TTC6: variants seen among roughly 807,000 people sequenced by gnomAD.
The protein encoded by TTC6 is tetratricopeptide repeat domain 6.
A neutral mutation model predicts 210.4 loss-of-function variants in TTC6; 172 were observed. That is an observed-to-expected ratio of 0.82 (90% CI 0.72 to 0.93). TTC6 has a LOEUF of 0.93. TTC6 is among the 40% of genes least tolerant of loss of function. TTC6 has a pLI of 0.00. For synonymous variants in TTC6, 804 were observed against 819.6 expected (o/e 0.98, Z 0.32); for missense variants, 2,414 against 2,318.1 (o/e 1.04, Z -0.85).
chr14:37,670,329 A>G (rs747379759), intron 1 of TTC6, among the ~76,000 whole-genome samples: 49 of 152,204 alleles, frequency 3.2e-4, no homozygotes, highest in Non-Finnish European at 1.0e-4. Flanking sequence ...CTGACAATAT[A>G]GTGAAATGTT....
At chr14:37,841,655 G>A (rs868102939) in exon 30 of TTC6, 1 of 1,602,524 alleles carries the variant, frequency 6.2e-7, no homozygotes, top group Non-Finnish European at 8.5e-7. Flanking sequence ...ACTAGCTGAG[G>A]AAGACCTTAA....
intron 17 of TTC6, 145 bp downstream of exon 19, chr14:37,792,559 ACT>A: frequency 3.6e-6 from 2 of 556,182 alleles, no homozygotes; most frequent in Non-Finnish European, 5.5e-6. Context: ...CTGGTAGTTA[ACT>A]CTAATTACTC....
intron 14 of TTC6, among the ~76,000 whole-genome samples, chr14:37,753,753 T>G (rs1235382501): frequency 1.3e-5 from 2 of 151,870 alleles, no homozygotes; most frequent in Non-Finnish European, 2.9e-5. Flanking sequence ...ATTTTTTTTT[T>G]TTTTTTTGTG....
intron 20 of TTC6, chr14:37,802,400 T>A (rs1042009343): frequency 4.3e-4 from 64 of 147,628 alleles, no homozygotes; most frequent in African/African-American, 1.2e-3. Context: ...TAAAATAAAA[T>A]AAAAAAAAAA....
Position 37,600,368 on chromosome 14 carries a change from A to G in TTC6, c.-235+4360A>G, listed in dbSNP as rs1161642505. Reference sequence around the variant, plus strand: ...CAGTGATGGAAGCCGAGGGGCTTGGAAAAGTCAACTATTTCATCTCCTGCC... The same window carrying G: ...CAGTGATGGAAGCCGAGGGGCTTGGGAAAGTCAACTATTTCATCTCCTGCC... On this transcript the variant is annotated intron_variant, in intron 1 of 2. Transcript: ENST00000556845. Among the ~76,000 whole-genome samples, 3 of 152,136 alleles carry G rather than the reference A, an allele frequency of 2.0e-5. No individual in the cohort carries two copies. The East Asian group carries it at 5.8e-4, about 29-fold the overall frequency.
intron 1 of TTC6, among the ~76,000 whole-genome samples, chr14:37,656,783 C>T (rs1341043470): frequency 6.6e-6 from 1 of 152,038 alleles, no homozygotes; most frequent in East Asian, 1.9e-4. Flanking sequence ...TCAGCTGGCT[C>T]CTTGGAATTC....
intron 26 of TTC6, among the ~76,000 whole-genome samples, chr14:37,817,856 T>C (rs962287956): frequency 5.3e-5 from 8 of 152,156 alleles, no homozygotes; most frequent in African/African-American, 1.7e-4. Flanking sequence ...CCTTCTGCCT[T>C]CTAATAGACT....
intron 23 of TTC6, among the ~76,000 whole-genome samples, chr14:37,807,873 G>A (rs913188519): frequency 6.6e-6 from 1 of 151,978 alleles, no homozygotes; most frequent in Non-Finnish European, 1.5e-5. Context: ...TATATAACTT[G>A]TGTGGTGCCC....
At chr14:37,706,141 G>A (rs1315633395) in intron 5 of TTC6, among the ~76,000 whole-genome samples, 1 of 152,146 alleles carries the variant, frequency 6.6e-6, no homozygotes, top group African/African-American at 2.4e-5. Flanking sequence ...GAGTGCTTGG[G>A]GGAGGGATTC....
intron 1 of TTC6, among the ~76,000 whole-genome samples, chr14:37,604,182 C>T (rs2139224936): frequency 6.6e-6 from 1 of 152,300 alleles, no homozygotes; most frequent in East Asian, 1.9e-4. Context: ...CCCATGGGAA[C>T]TGGGCTGCCG....
At chr14:37,755,037 G>A (rs1008445200) in intron 14 of TTC6, among the ~76,000 whole-genome samples, 11 of 152,102 alleles carry the variant, frequency 7.2e-5, no homozygotes, top group Non-Finnish European at 1.0e-4. Context: ...GTGTAAAAGC[G>A]TTCCTACTTC....
chr14:37,748,966 A>G, exon 11 of TTC6: 1 of 1,523,636 alleles, frequency 6.6e-7, no homozygotes, highest in East Asian at 2.5e-5. Flanking sequence ...TACTTCCGGG[A>G]CAGAAGAAAT....
At chr14:37,654,695 G>C (rs2095718811) in intron 1 of TTC6, among the ~76,000 whole-genome samples, 1 of 152,038 alleles carries the variant, frequency 6.6e-6, no homozygotes. Flanking sequence ...GAAAATAGAA[G>C]AACTGACAGA....
chr14:37,686,114 A>T (rs1476179002), intron 3 of TTC6, among the ~76,000 whole-genome samples: 8 of 152,080 alleles, frequency 5.3e-5, no homozygotes, highest in Admixed American at 4.6e-4. Flanking sequence ...CAGGCTCTGC[A>T]ACTAGATGTC....
At chr14:37,641,140 C>G (rs933010591) in intron 1 of TTC6, among the ~76,000 whole-genome samples, 3 of 152,180 alleles carry the variant, frequency 2.0e-5, no homozygotes, top group African/African-American at 7.2e-5. Flanking sequence ...GTTATCTTGA[C>G]AGCAAATTGA....
chr14:37,777,261 A>C (rs1001360248), intron 14 of TTC6, among the ~76,000 whole-genome samples: 1 of 152,154 alleles, frequency 6.6e-6, no homozygotes, highest in African/African-American at 2.4e-5. Flanking sequence ...GTTTATGTAC[A>C]TAATCCCATA....
intron 14 of TTC6, among the ~76,000 whole-genome samples, chr14:37,769,450 T>TAAGCTATTG (rs1176733766): frequency 6.6e-6 from 1 of 152,136 alleles, no homozygotes; most frequent in Non-Finnish European, 1.5e-5. Flanking sequence ...TTTTGGTTGG[T>TAAGCTATTG]AAGCTATTGA....
At chr14:37,676,964 T>TTGATAGTAAATTTTGAAATAGGGAAGTG (rs1351274269) in intron 1 of TTC6, among the ~76,000 whole-genome samples, 7 of 152,204 alleles carry the variant, frequency 4.6e-5, no homozygotes, top group Admixed American at 3.9e-4. Flanking sequence ...TTATTGTAGT[T>TTGATAGTAAATTTTGAAATAGGGAAGTG]TGATAGTAAA....
At chr14:37,759,091 C>T (rs182526200) in intron 14 of TTC6, among the ~76,000 whole-genome samples, 5 of 151,780 alleles carry the variant, frequency 3.3e-5, no homozygotes, top group Admixed American at 2.0e-4. Context: ...GCTAACATGG[C>T]AAAACTCTGT....
Sources: allele counts gnomAD v4.1 joint callset (sites outside exome capture counted in the v4.1 genomes callset), GRCh38; gene constraint gnomAD v4.1.1; transcripts MANE v1.5; gene names NCBI Gene and HGNC (gene_info 2026-07-23, HGNC 2026-07-21).